Variants in GRID2 observed in about 807,000 individuals in gnomAD.
The protein encoded by GRID2 is glutamate ionotropic receptor delta type subunit 2.
Under a neutral mutation model 114.8 loss-of-function variants are expected in GRID2, and 33 were observed. That is an observed-to-expected ratio of 0.29 (90% CI 0.22 to 0.38). The LOEUF (loss-of-function observed/expected upper bound fraction) is 0.38. GRID2 is among the 10% of genes least tolerant of loss of function. The probability of loss-of-function intolerance (pLI) is 1.00; values close to 1 mark genes in which losing one functional copy is unlikely to be tolerated. For missense variants in GRID2, 1,184 were observed against 1,257.7 expected, an observed-to-expected ratio of 0.94 and a Z score of 0.89; for synonymous variants, 505 against 449.9, an observed-to-expected ratio of 1.12 and a Z score of -1.55.
At chr4:93,374,276 A>T (rs1763183879) in intron 8 of GRID2, among the ~76,000 whole-genome samples, 1 of 152,202 alleles carries the variant, frequency 6.6e-6, no homozygotes, top group South Asian at 2.1e-4. Flanking sequence ...TAAACACTTC[A>T]CAATTTCAAA....
At chr4:93,396,054 A>G (rs1383971639) in intron 9 of GRID2, among the ~76,000 whole-genome samples, 3 of 152,026 alleles carry the variant, frequency 2.0e-5, no homozygotes, top group Admixed American at 2.0e-4. Context: ...GTGAACATTG[A>G]AACTATAAAT....
At chr4:92,800,743 G>T (rs1424089598) in intron 2 of GRID2, among the ~76,000 whole-genome samples, 1 of 151,874 alleles carries the variant, frequency 6.6e-6, no homozygotes, top group Non-Finnish European at 1.5e-5. Context: ...ATCTGATTCT[G>T]GTATTTTAGG....
intron 1 of GRID2, among the ~76,000 whole-genome samples, chr4:92,542,073 A>C (rs1424242310): frequency 2.0e-5 from 3 of 152,156 alleles, no homozygotes; most frequent in Non-Finnish European, 4.4e-5. Context: ...TGTGGTTCTT[A>C]GGTCAAGAAT....
intron 1 of GRID2, among the ~76,000 whole-genome samples, chr4:92,575,105 C>G (rs1727819914): frequency 6.6e-6 from 1 of 152,116 alleles, no homozygotes; most frequent in Non-Finnish European, 1.5e-5. Flanking sequence ...ACCTATTCTG[C>G]TATTAATGCT....
chr4:93,379,088 A>G (rs532667522), intron 8 of GRID2, among the ~76,000 whole-genome samples: 2 of 152,168 alleles, frequency 1.3e-5, no homozygotes, highest in Admixed American at 6.6e-5. Flanking sequence ...TATACTTCAT[A>G]TAGAGGATAT....
chr4:93,037,843 T>A (rs1344250335), intron 2 of GRID2, among the ~76,000 whole-genome samples: 1 of 152,200 alleles, frequency 6.6e-6, no homozygotes, highest in Admixed American at 6.6e-5. Context: ...TACTGTAGCC[T>A]TGTAGTATAG....
rs560569215 is a variant in GRID2 at position 93,604,698 on chromosome 4, C to T, written c.2194-21571C>T. On this transcript the variant is annotated intron_variant, in intron 13 of 15. Coordinates refer to ENST00000282020, the MANE Select transcript of GRID2 (RefSeq NM_001510.4). ...TTATTTTTAAAAACTGCCACAGACA[C>T]TCCAAGCTTCAGCAGTTACCACCCT... Among the ~76,000 whole-genome samples the T allele has an allele frequency of 1.4e-4, 21 of 152,300 alleles. No individual in the cohort carries two copies. The East Asian group carries it at 3.7e-3, about 27-fold the overall frequency.
At chr4:93,249,635 T>G (rs183749817) in intron 8 of GRID2, among the ~76,000 whole-genome samples, 6 of 151,990 alleles carry the variant, frequency 3.9e-5, no homozygotes, top group Non-Finnish European at 8.8e-5. Flanking sequence ...AAAAAGGAAC[T>G]TAAACAAATT....
intron 4 of GRID2, among the ~76,000 whole-genome samples, chr4:93,123,757 A>C (rs1341341214): frequency 6.6e-6 from 1 of 152,154 alleles, no homozygotes; most frequent in East Asian, 1.9e-4. Flanking sequence ...TCATATCAAA[A>C]CTTTATTGTT....
At chr4:93,670,053 G>A (rs570760023) in intron 14 of GRID2, among the ~76,000 whole-genome samples, 211 of 152,230 alleles carry the variant, frequency 1.4e-3, no homozygotes, top group Middle Eastern at 3.4e-3. Context: ...TTATGTATGT[G>A]TAGGAGCATA....
intron 1 of GRID2, among the ~76,000 whole-genome samples, chr4:92,436,689 G>A (rs1487535115): frequency 1.3e-5 from 2 of 152,026 alleles, no homozygotes; most frequent in Non-Finnish European, 2.9e-5. Flanking sequence ...GTGTGTGAAT[G>A]TATATATGTA....
In GRID2 at chr4:93,710,168, T is replaced by C. The variant is rs375382079; in HGVS notation, c.2361-59042T>C. ...TAGGCATTGAACAGTTAGGTACTTA[T>C]TGTAGTCTTCATGATCTGGGCTTGT... On this transcript the variant is annotated intron_variant, in intron 14 of 15. Coordinates refer to ENST00000282020, the MANE Select transcript of GRID2 (RefSeq NM_001510.4). 4.6e-5 allele frequency among the ~76,000 whole-genome samples: 7 copies of C among 152,220 alleles called. No individual in the cohort carries two copies. In the East Asian group the frequency reaches 1.3e-3, roughly 29 times the overall value.
At chr4:92,398,022 G>A (rs1341315593) in intron 1 of GRID2, among the ~76,000 whole-genome samples, 1 of 152,052 alleles carries the variant, frequency 6.6e-6, no homozygotes, top group Non-Finnish European at 1.5e-5. Flanking sequence ...TCCTTTTGGA[G>A]AACTTACCTT....
chr4:92,518,188 G>A (rs1422116538), intron 1 of GRID2, among the ~76,000 whole-genome samples: 1 of 148,954 alleles, frequency 6.7e-6, no homozygotes, highest in Admixed American at 6.7e-5. Flanking sequence ...ATTTTTTTCA[G>A]AGCAGATTTA....
chr4:93,037,368 A>AT (rs1222330476), intron 2 of GRID2, among the ~76,000 whole-genome samples: 1 of 152,176 alleles, frequency 6.6e-6, no homozygotes, highest in Non-Finnish European at 1.5e-5. Flanking sequence ...GAGTGCTAAA[A>AT]TTTTATCCCA....
At chr4:92,965,329 T>G (rs943167130) in intron 2 of GRID2, among the ~76,000 whole-genome samples, 1 of 150,154 alleles carries the variant, frequency 6.7e-6, no homozygotes, top group African/African-American at 2.4e-5. Context: ...AATGAAAAAG[T>G]TTGAAATATA....
rs972193649 is a variant in GRID2 at position 93,713,277 on chromosome 4, A to G, written c.2361-55933A>G. Among the ~76,000 whole-genome samples the G allele has an allele frequency of 6.6e-5, 10 of 152,200 alleles. 1 individual carries two copies. Among genetic ancestry groups the G allele is most frequent in the Admixed American group, 6.5e-4 (10 of 15,284 alleles). On this transcript the variant is annotated intron_variant, in intron 14 of 15. Coordinates refer to ENST00000282020, the MANE Select transcript of GRID2 (RefSeq NM_001510.4). Reference sequence around the variant, plus strand: ...TCACCTCTAGCCTAGAGTACCTTCAATGTTTCCAGAATTCTGGGCTGTCAG... The same window carrying G: ...TCACCTCTAGCCTAGAGTACCTTCAGTGTTTCCAGAATTCTGGGCTGTCAG...
chr4:92,790,916 T>A (rs1274119881), intron 2 of GRID2, among the ~76,000 whole-genome samples: 1 of 151,776 alleles, frequency 6.6e-6, no homozygotes, highest in African/African-American at 2.4e-5. Flanking sequence ...TGAGTTTTAA[T>A]CCCATTTCCA....
At chr4:93,516,707 G>A (rs1415459953) in intron 13 of GRID2, among the ~76,000 whole-genome samples, 1 of 152,032 alleles carries the variant, frequency 6.6e-6, no homozygotes, top group Non-Finnish European at 1.5e-5. Context: ...TTTGGGGAAG[G>A]GAGGAGGAGG....
Sources: gnomAD v4.1 joint callset for allele counts (sites outside exome capture counted in the v4.1 genomes callset) on GRCh38, gnomAD v4.1.1 for gene constraint, MANE v1.5 for transcripts, NCBI Gene and HGNC (gene_info 2026-07-23, HGNC 2026-07-21) for gene names.